Variants in ZFP82 observed in about 807,000 individuals in gnomAD.
ZFP82 encodes the protein zinc finger protein 82 homolog.
A neutral mutation model predicts 54.0 loss-of-function variants in ZFP82; 30 were observed. The ratio of observed to expected loss-of-function variants is 0.56; its 90% CI spans 0.42 to 0.75. The LOEUF is 0.75. Ranked by LOEUF, ZFP82 falls within the 30% of genes least tolerant of loss-of-function variation. The pLI, the probability that ZFP82 is intolerant of heterozygous loss-of-function variation, is 0.00. For missense variants in ZFP82, 500 were observed against 636.8 expected, an observed-to-expected ratio of 0.79 and a Z score of 2.31; for synonymous variants, 194 against 209.5, an observed-to-expected ratio of 0.93 and a Z score of 0.64.
intron 4 of ZFP82, chr19:36,395,334 G>A (rs1437225130): frequency 6.6e-6 from 1 of 152,032 alleles, no homozygotes; most frequent in Non-Finnish European, 1.5e-5. Flanking sequence ...CCATTGCTCA[G>A]GTTTTCTCCT....
chr19:36,396,768 G>A (rs971182070), intron 4 of ZFP82, among the ~76,000 whole-genome samples: 44 of 151,912 alleles, frequency 2.9e-4, no homozygotes, highest in Middle Eastern at 3.4e-3. Context: ...TTGAGCCCAG[G>A]AGGTCAAGGC....
intron 3 of ZFP82, 22 bp downstream of exon 3, chr19:36,407,865 T>C: frequency 6.2e-7 from 1 of 1,609,768 alleles, no homozygotes; most frequent in South Asian, 1.1e-5. Context: ...CAGTCTAAAT[T>C]CCTAGAAGCA....
chr19:36,405,727 T>C (rs2032470890), intron 3 of ZFP82, 55 bp from the exon 4 acceptor site: 3 of 1,314,264 alleles, frequency 2.3e-6, no homozygotes, highest in Non-Finnish European at 3.1e-6. Context: ...AAATCAAAAT[T>C]ACTTTGATTC....
chr19:36,393,114 A>G lies in ZFP82; in HGVS notation c.1226T>C (p.Leu409Pro), dbSNP rs778994024. Residue 409 changes from leucine to proline, a missense_variant, in exon 5 of 5, where the codon CTT becomes CCT. Leu to Pro is a moderately conservative substitution (Grantham distance 98). Coordinates refer to ENST00000392161, the MANE Select transcript of ZFP82 (RefSeq NM_133466.4). ...AATATGAATACTCTGATGTGAAATA[A>G]GTTGTGAGTAGCGACTAAAGGCTTT... ...CWKAFSRYSQ[L>P]ISHQSIHIGV... 1.9e-6 allele frequency: 3 copies of G among 1,613,786 alleles called. No homozygotes were observed. Among genetic ancestry groups the G allele is most frequent in the Non-Finnish European group, 2.5e-6 (3 of 1,179,992 alleles).
rs2032214824 is a variant in ZFP82 at position 36,392,406 on chromosome 19, CTTGA to C, written c.*331_*334del. The C allele has an allele frequency of 5.0e-6, 1 of 201,062 alleles. No homozygotes were observed. The highest frequency in any genetic ancestry group is 1.2e-4 in the South Asian group (1 of 8,104). 12.5% of individuals were successfully genotyped at this position (201,062 alleles called of 1,614,324 possible). On this transcript the variant is annotated 3_prime_UTR_variant, in exon 5 of 5. Transcript: ENST00000392161. ...CAACAGAGGGATGTAGATTCCACCT[CTTGA>C]TTGAAAGTGTGTCAAACTGCTGCAC...
At chr19:36,400,923 T>C (rs978887642) in intron 4 of ZFP82, among the ~76,000 whole-genome samples, 34 of 152,308 alleles carry the variant, frequency 2.2e-4, no homozygotes, top group African/African-American at 7.5e-4. Flanking sequence ...CCTGACTCCA[T>C]TGAAAATCTT....
chr19:36,404,441 G>A (rs2032446123), intron 4 of ZFP82, among the ~76,000 whole-genome samples: 1 of 152,226 alleles, frequency 6.6e-6, no homozygotes, highest in African/African-American at 2.4e-5. Context: ...CAACATGACA[G>A]CTATTCCAGT....
chr19:36,408,067 G>C, intron 2 of ZFP82, 54 bp from the exon 3 acceptor site: 1 of 1,587,530 alleles, frequency 6.3e-7, no homozygotes, highest in East Asian at 2.3e-5. Flanking sequence ...GTATTTTAAG[G>C]TAGAAGGAGA....
Position 36,391,793 on chromosome 19 carries a change from A to T in ZFP82, c.*948T>A, listed in dbSNP as rs1481499780. ...AGGGTATCTGTTTTTTAATGAACAA[A>T]CTGGAAAGGAATTCCTTACTTTCAA... On this transcript the variant is annotated 3_prime_UTR_variant, in exon 5 of 5. Coordinates refer to ENST00000392161, the MANE Select transcript of ZFP82 (RefSeq NM_133466.4). 1.3e-5 allele frequency: 2 copies of T among 152,148 alleles called. No homozygotes were observed. The highest frequency in any genetic ancestry group is 2.9e-5 in the Non-Finnish European group (2 of 68,038). 9.4% of individuals were successfully genotyped at this position (152,148 alleles called of 1,614,324 possible). A position where few individuals can be genotyped will look rare whatever the true frequency, so the allele number is the denominator to read the frequency against.
Position 36,405,690 on chromosome 19 carries a change from A to T in ZFP82, c.137-18T>A, listed in dbSNP as rs372918445. The T allele has an allele frequency of 2.6e-6, 4 of 1,551,302 alleles. No homozygotes were observed. In the African/African-American group the frequency reaches 5.5e-5, roughly 21 times the overall value. On this transcript the variant is annotated intron_variant, in intron 3 of 4. Coordinates refer to ENST00000392161, the MANE Select transcript of ZFP82 (RefSeq NM_133466.4). ...GAAGCATCCTGCTTAGAAGAAAAGG[A>T]ATATAAGGTACATGAAAATAAAAAA...
intron 1 of ZFP82, among the ~76,000 whole-genome samples, chr19:36,414,101 CA>C (rs1251173453): frequency 6.6e-6 from 1 of 151,882 alleles, no homozygotes; most frequent in Non-Finnish European, 1.5e-5. Context: ...GGGGTTTCAC[CA>C]TGTTAGCCAA....
chr19:36,405,577 C>CA lies in ZFP82; in HGVS notation c.229+2dup. 1 of 1,608,252 alleles carries CA rather than the reference C, an allele frequency of 6.2e-7. No individual in the cohort carries two copies. Among genetic ancestry groups the CA allele is most frequent in the Non-Finnish European group, 8.5e-7 (1 of 1,175,856 alleles). ...GGCTTCTTCCTGCCCAACTAGCCCT[C>CA]ACCTGGATATTGTCTTCTTCCTTTC... On this transcript the variant is annotated splice_region_variant and intron_variant, in intron 4 of 4. Coordinates refer to ENST00000392161, the MANE Select transcript of ZFP82 (RefSeq NM_133466.4).
At chr19:36,406,434 A>G in intron 3 of ZFP82, among the ~76,000 whole-genome samples, 1 of 152,126 alleles carries the variant, frequency 6.6e-6, no homozygotes, top group East Asian at 1.9e-4. Flanking sequence ...ACAACCATTG[A>G]TCTTCTTTTT....
intron 1 of ZFP82, among the ~76,000 whole-genome samples, chr19:36,416,566 G>C (rs1405711968): frequency 2.0e-5 from 3 of 151,880 alleles, no homozygotes; most frequent in African/African-American, 7.3e-5. Context: ...AGACCAGCCT[G>C]ACCAACATGG....
At position 36,402,468 on chromosome 19, in the gene ZFP82, C is replaced by CAAAAAAAAAAAAAAAA. The variant is rs377338348; in HGVS notation, c.229+3096_229+3111dup. On this transcript the variant is annotated intron_variant, in intron 4 of 4. Coordinates refer to ENST00000392161, the MANE Select transcript of ZFP82 (RefSeq NM_133466.4). ...TGGACAGAAGAGCGAGACTCCATCT[C>CAAAAAAAAAAAAAAAA]AAAAAAAAAAAAAAAAAAAGATTAG... Among the ~76,000 whole-genome samples, 50 of 57,402 alleles carry CAAAAAAAAAAAAAAAA rather than the reference C, an allele frequency of 8.7e-4. 4 individuals are homozygous for CAAAAAAAAAAAAAAAA. The highest frequency in any genetic ancestry group is 1.1e-3 in the Non-Finnish European group (35 of 33,184). 37.7% of individuals were successfully genotyped at this position (57,402 alleles called of 152,430 possible). A position where few individuals can be genotyped will look rare whatever the true frequency, so the allele number is the denominator to read the frequency against.
intron 3 of ZFP82, among the ~76,000 whole-genome samples, chr19:36,405,925 A>G (rs956085972): frequency 5.3e-5 from 8 of 152,222 alleles, no homozygotes; most frequent in African/African-American, 1.9e-4. Context: ...TTGAGATGAC[A>G]GACTGCTGGG....
chr19:36,394,326 G>C, intron 4 of ZFP82: 1 of 509,734 alleles, frequency 2.0e-6, no homozygotes, highest in East Asian at 3.6e-5. Flanking sequence ...AACATTTTAA[G>C]TCAGTGGTTC....
intron 3 of ZFP82, among the ~76,000 whole-genome samples, chr19:36,406,384 G>A (rs904001152): frequency 3.3e-5 from 5 of 152,120 alleles, no homozygotes; most frequent in Non-Finnish European, 7.4e-5. Context: ...ATCCCTATTG[G>A]TCACTGGCAG....
rs2032548155 is a variant in ZFP82, at chr19:36,409,878, G to A, written c.-78-11C>T. 1 of 1,402,918 alleles carries A rather than the reference G, an allele frequency of 7.1e-7. No individual in the cohort carries two copies. 86.9% of individuals were successfully genotyped at this position (1,402,918 alleles called of 1,614,324 possible). On this transcript the variant is annotated splice_polypyrimidine_tract_variant and intron_variant, in intron 1 of 4. Transcript: ENST00000392161. ...TCCACAGAGGCTGATCTAGGGAGAGGAAAACAAGGCCATGAGATCAGATGG... is the reference window on the plus strand; with the variant it reads ...TCCACAGAGGCTGATCTAGGGAGAGAAAAACAAGGCCATGAGATCAGATGG...
Sources: gnomAD v4.1 joint callset for allele counts (sites outside exome capture counted in the v4.1 genomes callset) on GRCh38, gnomAD v4.1.1 for gene constraint, MANE v1.5 for transcripts, NCBI Gene and HGNC (gene_info 2026-07-23, HGNC 2026-07-21) for gene names.